The following ZSCAN2 variants were observed in gnomAD, a reference collection of about 807,000 sequenced individuals.
The protein encoded by ZSCAN2 is zinc finger and SCAN domain containing 2, also known as zinc finger and SCAN domain-containing protein 2.
Under a neutral mutation model 47.8 loss-of-function variants are expected in ZSCAN2, and 26 were observed. The observed-to-expected ratio is 0.54, with a 90% confidence interval of 0.40 to 0.75. ZSCAN2 has a LOEUF of 0.75. ZSCAN2 is among the 30% of genes least tolerant of loss of function. The pLI, the probability that ZSCAN2 is intolerant of heterozygous loss-of-function variation, is 0.00. For synonymous variants in ZSCAN2, 305 were observed against 288.7 expected, an observed-to-expected ratio of 1.06 and a Z score of -0.57; for missense variants, 732 against 785.4, an observed-to-expected ratio of 0.93 and a Z score of 0.81.
chr15:84,611,228 CAG>C lies in ZSCAN2; in HGVS notation c.406+6899_406+6900del, dbSNP rs1387932126. Among the ~76,000 whole-genome samples the C allele has an allele frequency of 5.3e-5, 8 of 152,136 alleles. No individual in the cohort carries two copies. In the South Asian group the frequency reaches 1.7e-3, roughly 32 times the overall value. On this transcript the variant is annotated intron_variant, in intron 2 of 2. Coordinates refer to ENST00000546148, the MANE Select transcript of ZSCAN2 (RefSeq NM_181877.4). ...AGGAGAATTGCTTGAACCCAGGAGA[CAG>C]AGATCACGCCACTGCACTCCAGCCT... is the stretch of plus-strand genomic sequence containing the variant.
intron 1 of ZSCAN2, 78 bp from the exon 2 acceptor site, chr15:84,603,742 T>C: frequency 6.4e-6 from 4 of 625,080 alleles, no homozygotes; most frequent in Non-Finnish European, 8.0e-6. Flanking sequence ...CACTTGGTGG[T>C]CTGACCTGGG....
rs1232286203 is a variant in ZSCAN2, at chr15:84,604,043, C to T, written c.116C>T (p.Ser39Phe). ...ACCACCATGATCCTGGAGGATGACT[C>T]CTGGGTGCAAGAAGCTGTGCTGCAG... ...EVTTMILEDD[S>F]WVQEAVLQED... The change falls in exon 2 of 3, where the codon TCC becomes TTC. Residue 39 changes from serine (S) to phenylalanine (F), a missense_variant. By Grantham distance (155) the Ser-to-Phe change is radical. This residue lies in a region of ZSCAN2 where 320 missense variants were observed against 287.4 expected (regional missense o/e 1.11). Transcript: ENST00000546148. 6.2e-7 allele frequency: 1 copy of T among 1,613,992 alleles called. No homozygotes were observed. Among genetic ancestry groups the T allele is most frequent in the Non-Finnish European group, 8.5e-7 (1 of 1,180,026 alleles).
At chr15:84,610,806 T>TA (rs1019966367) in intron 2 of ZSCAN2, among the ~76,000 whole-genome samples, 34 of 152,054 alleles carry the variant, frequency 2.2e-4, no homozygotes, top group African/African-American at 7.2e-4. Context: ...GTGTTTCATA[T>TA]AAAAAACGAT....
At chr15:84,607,204 C>T (rs1310337291) in intron 2 of ZSCAN2, among the ~76,000 whole-genome samples, 3 of 152,264 alleles carry the variant, frequency 2.0e-5, no homozygotes, top group South Asian at 4.1e-4. Flanking sequence ...AATCCAGATG[C>T]GTGGAGTTTC....
chr15:84,617,911 GCC>G (rs1555417348), intron 2 of ZSCAN2, among the ~76,000 whole-genome samples: 4 of 152,096 alleles, frequency 2.6e-5, no homozygotes, highest in Non-Finnish European at 5.9e-5. Flanking sequence ...CTGTACTACC[GCC>G]TCGGTGACAG....
chr15:84,607,005 C>T, intron 2 of ZSCAN2: 1 of 372,808 alleles, frequency 2.7e-6, no homozygotes, highest in African/African-American at 2.2e-5. Flanking sequence ...TCACCCAGCA[C>T]AGGATATTTC....
chr15:84,610,107 T>C (rs1895501461), intron 2 of ZSCAN2, among the ~76,000 whole-genome samples: 1 of 152,198 alleles, frequency 6.6e-6, no homozygotes, highest in Non-Finnish European at 1.5e-5. Context: ...CGGTGGCAGC[T>C]TTTGTCCACT....
chr15:84,608,316 G>T (rs1010177572), intron 2 of ZSCAN2, among the ~76,000 whole-genome samples: 6 of 151,976 alleles, frequency 3.9e-5, no homozygotes, highest in African/African-American at 1.4e-4. Context: ...GATCACTCGA[G>T]GCCAGGAGTT....
In ZSCAN2 at chr15:84,604,315, C is replaced by G. The variant is rs760384430; in HGVS notation, c.388C>G (p.Gln130Glu). 6.2e-7 allele frequency: 1 copy of G among 1,611,202 alleles called. No homozygotes were observed. The highest frequency in any genetic ancestry group is 1.1e-5 in the South Asian group (1 of 90,614). Residue 130 changes from glutamine (Q) to glutamate (E), a missense_variant, in exon 2 of 3, where the codon CAG becomes GAG. Coordinates refer to ENST00000546148, the MANE Select transcript of ZSCAN2 (RefSeq NM_181877.4). ...AGCGGCCCTGGTGGAAGACTTGACC[C>G]AGACCCTTCAGGACAGTGGTGAGAC... The part of the protein sequence containing the change: ...EAAALVEDLT[Q>E]TLQDSDFEIQ...
chr15:84,622,721 G>T lies in ZSCAN2; in HGVS notation c.*681G>T, dbSNP rs917371888. The T allele has an allele frequency of 9.8e-6, 7 of 716,658 alleles. No homozygotes were observed. The African/African-American group carries it at 1.2e-4, about 13-fold the overall frequency. The allele number at this position is 716,658 out of a possible 1,614,324, so 44.4% of individuals were successfully genotyped here. On this transcript the variant is annotated 3_prime_UTR_variant, in exon 3 of 3. Coordinates refer to ENST00000546148, the MANE Select transcript of ZSCAN2 (RefSeq NM_181877.4). ...CCCAGTGTCCTTTCCATTGGTAAGA[G>T]TTGGACAGGGCCTTCAGGAAAGGGG...
chr15:84,607,080 C>T (rs1364820296), intron 2 of ZSCAN2, among the ~76,000 whole-genome samples: 1 of 152,156 alleles, frequency 6.6e-6, no homozygotes, highest in African/African-American at 2.4e-5. Context: ...ACTCAAAATT[C>T]AAGTACCTTC....
intron 2 of ZSCAN2, among the ~76,000 whole-genome samples, chr15:84,610,488 C>CTTTTTTTTTT (rs71132689): frequency 3.5e-5 from 3 of 86,934 alleles, no homozygotes; most frequent in Non-Finnish European, 6.4e-5. Context: ...TTCTTTCTTT[C>CTTTTTTTTTT]TTTTTTTTTT....
chr15:84,618,157 C>T (rs1430660262), intron 2 of ZSCAN2, among the ~76,000 whole-genome samples: 1 of 152,128 alleles, frequency 6.6e-6, no homozygotes, highest in Non-Finnish European at 1.5e-5. Flanking sequence ...ATAGCTCACA[C>T]CTGTAATCCC....
Position 84,622,230 on chromosome 15 carries a change from A to C in ZSCAN2, c.*190A>C, listed in dbSNP as rs1596039239. 3.2e-6 allele frequency: 2 copies of C among 621,978 alleles called. No individual in the cohort carries two copies. Among genetic ancestry groups the C allele is most frequent in the East Asian group, 5.6e-5 (2 of 35,816 alleles). 38.5% of individuals were successfully genotyped at this position (621,978 alleles called of 1,614,324 possible). On this transcript the variant is annotated 3_prime_UTR_variant, in exon 3 of 3. Transcript: ENST00000546148. ...TCTGAGTCAAGTCCCGTATACATTC[A>C]AGAACAGGGCATAGGCGTGGAAGGT...
In ZSCAN2 at chr15:84,616,309, A is replaced by C. The variant is rs774762958; in HGVS notation, c.407-4293A>C. ...GGCTCTTTCCTTCTCTGCTTTCCAGAAACAGCTTCCTGCGTACATGGCTGC... is the reference window on the plus strand; with the variant it reads ...GGCTCTTTCCTTCTCTGCTTTCCAGCAACAGCTTCCTGCGTACATGGCTGC... On this transcript the variant is annotated intron_variant, in intron 2 of 2. Transcript: ENST00000546148. The C allele has an allele frequency of 3.6e-6, 5 of 1,405,816 alleles. No individual in the cohort carries two copies. The African/African-American group carries it at 7.1e-5, about 20-fold the overall frequency. 87.1% of individuals were successfully genotyped at this position (1,405,816 alleles called of 1,614,324 possible). A position where few individuals can be genotyped will look rare whatever the true frequency, so the allele number is the denominator to read the frequency against.
At chr15:84,607,837 G>A (rs1380361053) in intron 2 of ZSCAN2, among the ~76,000 whole-genome samples, 3 of 152,088 alleles carry the variant, frequency 2.0e-5, no homozygotes, top group African/African-American at 7.2e-5. Context: ...GCTTGGAATA[G>A]CCTTGTCCCA....
chr15:84,608,601 A>G (rs993803843), intron 2 of ZSCAN2, among the ~76,000 whole-genome samples: 2 of 151,970 alleles, frequency 1.3e-5, no homozygotes, highest in East Asian at 1.9e-4. Flanking sequence ...TCAAACTCCA[A>G]TTTGAGAACC....
At chr15:84,616,192 GTGCCAC>G in intron 2 of ZSCAN2, 1 of 685,682 alleles carries the variant, frequency 1.5e-6, no homozygotes, top group Non-Finnish European at 2.7e-6. Context: ...AGCCAAGATA[GTGCCAC>G]TGCACTCCAG....
At position 84,620,649 on chromosome 15, in the gene ZSCAN2, T is replaced by C; in HGVS notation, c.454T>C (p.Phe152Leu). 6.2e-7 allele frequency: 1 copy of C among 1,613,766 alleles called. No homozygotes were observed. The highest frequency in any genetic ancestry group is 8.5e-7 in the Non-Finnish European group (1 of 1,179,618). ...ENGENCNQDM[F>L]ENESRKIFSE... ...TGGGGAGAACTGTAATCAAGACATG[T>C]TTGAGAATGAATCACGTAAGATATT... is the stretch of plus-strand genomic sequence containing the variant. The change falls in exon 3 of 3, where the codon TTT becomes CTT. Residue 152 changes from phenylalanine (F) to leucine (L), a missense_variant. Coordinates refer to ENST00000546148, the MANE Select transcript of ZSCAN2 (RefSeq NM_181877.4).
Sources: gnomAD v4.1 joint callset for allele counts (sites outside exome capture counted in the v4.1 genomes callset) on GRCh38, gnomAD v4.1.1 for gene constraint, gnomAD v4.1.1 regional missense constraint, MANE v1.5 for transcripts, NCBI Gene and HGNC (gene_info 2026-07-23, HGNC 2026-07-21) for gene names.